Variants in FAM13A observed in about 807,000 individuals in gnomAD.
The protein encoded by FAM13A is protein FAM13A.
In FAM13A, 76 loss-of-function variants were observed where a neutral mutation model predicts 129.6. The observed-to-expected ratio is 0.59, with a 90% confidence interval of 0.49 to 0.71. The LOEUF is 0.71. FAM13A is among the 30% of genes least tolerant of loss of function. The probability of loss-of-function intolerance (pLI) is 0.00; values close to 1 mark genes in which losing one functional copy is unlikely to be tolerated. For synonymous variants in FAM13A, 443 were observed against 449.9 expected, an observed-to-expected ratio of 0.98 and a Z score of 0.20; for missense variants, 1,108 against 1,249.3, an observed-to-expected ratio of 0.89 and a Z score of 1.70.
intron 7 of FAM13A, among the ~76,000 whole-genome samples, chr4:88,829,369 G>A (rs1358259630): frequency 6.6e-6 from 1 of 152,170 alleles, no homozygotes; most frequent in East Asian, 1.9e-4. Flanking sequence ...AGCCCAGGAA[G>A]CTGAAGCTGC....
chr4:88,890,942 G>A (rs1389666497), intron 6 of FAM13A, among the ~76,000 whole-genome samples: 1 of 152,064 alleles, frequency 6.6e-6, no homozygotes, highest in Non-Finnish European at 1.5e-5. Flanking sequence ...ACAGAAACGT[G>A]AATAGACCTA....
intron 4 of FAM13A, among the ~76,000 whole-genome samples, chr4:88,945,849 TATATATATATACACATAGA>T (rs1013865942): frequency 3.3e-5 from 4 of 121,252 alleles, no homozygotes; most frequent in African/African-American, 1.6e-4. Context: ...TGTGTGTGTG[TATATATATATACACATAGA>T]ATACATATAT....
intron 4 of FAM13A, among the ~76,000 whole-genome samples, chr4:88,978,747 T>TTG (rs1421429862): frequency 6.6e-5 from 10 of 151,780 alleles, no homozygotes; most frequent in Middle Eastern, 6.8e-3. Flanking sequence ...TGAGCCGAGA[T>TTG]CCGGCCACTG....
chr4:88,860,737 C>T (rs1171291815), intron 6 of FAM13A, among the ~76,000 whole-genome samples: 2 of 152,134 alleles, frequency 1.3e-5, no homozygotes, highest in Admixed American at 6.5e-5. Flanking sequence ...CTACTATAAA[C>T]AAGGGAAGCT....
chr4:88,993,613 C>T (rs2149030067), intron 3 of FAM13A, among the ~76,000 whole-genome samples: 1 of 152,136 alleles, frequency 6.6e-6, no homozygotes, highest in African/African-American at 2.4e-5. Flanking sequence ...TTCTGAAATA[C>T]GATAAACAAT....
intron 5 of FAM13A, among the ~76,000 whole-genome samples, chr4:88,919,357 T>C (rs1225812734): frequency 6.6e-6 from 1 of 152,248 alleles, no homozygotes; most frequent in Non-Finnish European, 1.5e-5. Flanking sequence ...AGCAAACTTT[T>C]ATTGAATGCA....
At chr4:88,806,446 C>T (rs73842241) in intron 7 of FAM13A, among the ~76,000 whole-genome samples, 8,987 of 152,176 alleles carry the variant, frequency 0.059, 287 homozygotes, top group Non-Finnish European at 0.068. Flanking sequence ...ATTAAACTTG[C>T]AGTCAATAAA....
chr4:88,883,101 G>T (rs2150132448), intron 6 of FAM13A, among the ~76,000 whole-genome samples: 1 of 152,152 alleles, frequency 6.6e-6, no homozygotes, highest in Admixed American at 6.5e-5. Context: ...GACTAGACAG[G>T]TCATCAAGAC....
chr4:88,749,360 T>TG (rs1742060637), intron 16 of FAM13A, among the ~76,000 whole-genome samples: 1 of 152,302 alleles, frequency 6.6e-6, no homozygotes, highest in African/African-American at 2.4e-5. Flanking sequence ...GGGTATATGA[T>TG]GTTTTGCTCA....
At chr4:88,965,475 C>T (rs762223066) in intron 4 of FAM13A, among the ~76,000 whole-genome samples, 24 of 152,070 alleles carry the variant, frequency 1.6e-4, no homozygotes, top group Non-Finnish European at 3.2e-4. Context: ...AAAAAATGTT[C>T]AAATCACAAA....
intron 3 of FAM13A, among the ~76,000 whole-genome samples, chr4:89,010,912 G>A (rs28498513): frequency 0.013 from 2,021 of 151,922 alleles, 19 homozygotes; most frequent in Non-Finnish European, 0.021. Context: ...GCAGTGGTGC[G>A]ATCTCGGTTC....
At chr4:88,938,386 C>T in intron 4 of FAM13A, 145 bp from the exon 5 acceptor site, 1 of 600,516 alleles carries the variant, frequency 1.7e-6, no homozygotes. Flanking sequence ...TGGTAACATG[C>T]ATGACATTGT....
chr4:88,918,842 T>G (rs1003489088), intron 5 of FAM13A, among the ~76,000 whole-genome samples: 1 of 152,188 alleles, frequency 6.6e-6, no homozygotes, highest in African/African-American at 2.4e-5. Flanking sequence ...TCTCTTCCAG[T>G]TAGATTGGGA....
At chr4:88,784,368 G>A (rs1723570133) in intron 10 of FAM13A, among the ~76,000 whole-genome samples, 1 of 152,110 alleles carries the variant, frequency 6.6e-6, no homozygotes, top group African/African-American at 2.4e-5. Context: ...TAAAACACAT[G>A]GTTGTATTTC....
chr4:88,909,734 C>G (rs968212651), intron 5 of FAM13A, among the ~76,000 whole-genome samples: 7 of 152,090 alleles, frequency 4.6e-5, no homozygotes, highest in Non-Finnish European at 8.8e-5. Context: ...ATCCGCCCAC[C>G]CTGGCCTCCC....
At chr4:88,861,800 TTATC>T (rs1024666895) in intron 6 of FAM13A, among the ~76,000 whole-genome samples, 1 of 152,188 alleles carries the variant, frequency 6.6e-6, no homozygotes, top group Non-Finnish European at 1.5e-5. Flanking sequence ...TATTTAAACA[TTATC>T]TATCTATCTA....
chr4:88,953,284 G>A (rs1024704241), intron 4 of FAM13A, among the ~76,000 whole-genome samples: 3 of 151,692 alleles, frequency 2.0e-5, no homozygotes, highest in African/African-American at 4.8e-5. Context: ...GTGAAACCCC[G>A]TCTCTACTAA....
intron 21 of FAM13A, among the ~76,000 whole-genome samples, chr4:88,734,641 C>T (rs892910250): frequency 3.9e-5 from 6 of 152,140 alleles, no homozygotes; most frequent in African/African-American, 1.2e-4. Context: ...TTGGGGACAT[C>T]GGGCAATGTC....
intron 6 of FAM13A, among the ~76,000 whole-genome samples, chr4:88,853,640 A>C (rs1438992879): frequency 6.6e-6 from 1 of 152,212 alleles, no homozygotes; most frequent in African/African-American, 2.4e-5. Flanking sequence ...TGGTGTTAAA[A>C]TGAGGAGACT....
Sources: allele counts gnomAD v4.1 joint callset (sites outside exome capture counted in the v4.1 genomes callset), GRCh38; gene constraint gnomAD v4.1.1; transcripts MANE v1.5; gene names NCBI Gene and HGNC (gene_info 2026-07-23, HGNC 2026-07-21).